Variants in COL6A6 observed in about 807,000 individuals in gnomAD.
COL6A6 encodes the protein collagen alpha-6(VI) chain.
COL6A6 carries 183 observed loss-of-function variants against 208.6 expected under a neutral mutation model. The ratio of observed to expected loss-of-function variants is 0.88; its 90% confidence interval spans 0.78 to 0.99. The LOEUF (loss-of-function observed/expected upper bound fraction) is 0.99, where lower values mean the gene tolerates loss of function less well. Ranked by LOEUF, COL6A6 falls within the 50% of genes least tolerant of loss-of-function variation. The pLI is 0.00. For missense variants in COL6A6, 2,816 were observed against 2,815.2 expected (o/e 1.00, Z -0.01); for synonymous variants, 973 against 1,011.8 (o/e 0.96, Z 0.73).
intron 2 of COL6A6, among the ~76,000 whole-genome samples, chr3:130,560,670 A>G (rs2062862886): frequency 6.6e-6 from 1 of 152,140 alleles, no homozygotes; most frequent in African/African-American, 2.4e-5. Flanking sequence ...TCCTGCTTCA[A>G]CCCCTTTTAG....
chr3:130,517,146 C>T (rs1710778165), upstream of COL6A6, among the ~76,000 whole-genome samples: 1 of 152,134 alleles, frequency 6.6e-6, no homozygotes, highest in Admixed American at 6.5e-5. Context: ...CGGGGAGAAG[C>T]GTTTATATGT....
chr3:130,620,569 A>G (rs1009872171), intron 23 of COL6A6, among the ~76,000 whole-genome samples: 5 of 152,172 alleles, frequency 3.3e-5, no homozygotes, highest in African/African-American at 4.8e-5. Flanking sequence ...AGAGCTATCT[A>G]TGGAGGGTGA....
intron 12 of COL6A6, chr3:130,589,926 AAT>A (rs1298304873): frequency 2.3e-6 from 1 of 441,224 alleles, no homozygotes; most frequent in South Asian, 1.6e-5. Context: ...TATGTCTCTG[AAT>A]ATGTCTCTGA....
chr3:130,534,704 C>T (rs1021104599), intron 1 of COL6A6, among the ~76,000 whole-genome samples: 1 of 152,082 alleles, frequency 6.6e-6, no homozygotes, highest in African/African-American at 2.4e-5. Context: ...AATGTTTTAG[C>T]TACACTTGAT....
chr3:130,640,739 A>G (rs2065283124), intron 28 of COL6A6, among the ~76,000 whole-genome samples: 1 of 152,236 alleles, frequency 6.6e-6, no homozygotes, highest in South Asian at 2.1e-4. Context: ...TCTGACATCT[A>G]GTAAGCAGAT....
chr3:130,583,847 C>G (rs896749695), intron 10 of COL6A6, among the ~76,000 whole-genome samples: 9 of 152,154 alleles, frequency 5.9e-5, no homozygotes, highest in African/African-American at 2.2e-4. Context: ...GCTTCCCATA[C>G]TTACACAGGA....
chr3:130,576,012 C>A (rs923356736), intron 8 of COL6A6, among the ~76,000 whole-genome samples: 12 of 152,150 alleles, frequency 7.9e-5, no homozygotes, highest in African/African-American at 2.9e-4. Flanking sequence ...TTCTCTGTCC[C>A]CTCCAGGGGC....
intron 33 of COL6A6, among the ~76,000 whole-genome samples, chr3:130,650,295 C>T (rs2065598145): frequency 6.6e-6 from 1 of 152,054 alleles, no homozygotes; most frequent in African/African-American, 2.4e-5. Flanking sequence ...AGGGGGGGGC[C>T]AGGGAGCAGC....
chr3:130,649,975 CAT>C (rs1220268476), intron 33 of COL6A6, among the ~76,000 whole-genome samples: 1 of 152,186 alleles, frequency 6.6e-6, no homozygotes, highest in African/African-American at 2.4e-5. Context: ...GGTAAACATA[CAT>C]GTCACTTAGG....
At chr3:130,666,684 G>A (rs1189953071) in intron 36 of COL6A6, among the ~76,000 whole-genome samples, 1 of 152,156 alleles carries the variant, frequency 6.6e-6, no homozygotes, top group East Asian at 1.9e-4. Context: ...ATAGAATGCA[G>A]AGATGATCAA....
At chr3:130,615,119 G>A (rs2064479109) in intron 23 of COL6A6, among the ~76,000 whole-genome samples, 1 of 152,058 alleles carries the variant, frequency 6.6e-6, no homozygotes, top group Admixed American at 6.6e-5. Flanking sequence ...GCGTCCCAGA[G>A]ATTCTGGTAT....
At chr3:130,601,918 G>T (rs2064034083) in intron 20 of COL6A6, among the ~76,000 whole-genome samples, 1 of 152,218 alleles carries the variant, frequency 6.6e-6, no homozygotes, top group African/African-American at 2.4e-5. Flanking sequence ...GTGACCTCAT[G>T]CAGGGATCAG....
upstream of COL6A6, among the ~76,000 whole-genome samples, chr3:130,516,860 C>A (rs866952643): frequency 7.2e-5 from 11 of 152,324 alleles, no homozygotes; most frequent in Middle Eastern, 0.027. Flanking sequence ...AGGAGCAGAG[C>A]TACTGCCTTC....
At chr3:130,609,532 G>T (rs1305381715) in intron 22 of COL6A6, among the ~76,000 whole-genome samples, 1 of 152,140 alleles carries the variant, frequency 6.6e-6, no homozygotes, top group Non-Finnish European at 1.5e-5. Context: ...TGCATGAGGG[G>T]TCACATGAGG....
intron 1 of COL6A6, among the ~76,000 whole-genome samples, chr3:130,555,138 C>G (rs2062738781): frequency 6.6e-6 from 1 of 152,202 alleles, no homozygotes; most frequent in Non-Finnish European, 1.5e-5. Flanking sequence ...ACACCAAACT[C>G]TTTGGGCTCT....
At chr3:130,674,959 C>T (rs1318665234) in intron 36 of COL6A6, among the ~76,000 whole-genome samples, 1 of 152,136 alleles carries the variant, frequency 6.6e-6, no homozygotes, top group African/African-American at 2.4e-5. Flanking sequence ...ATGAGTGGTA[C>T]ATATTCCATG....
chr3:130,610,032 T>A (rs1576324625), intron 22 of COL6A6, among the ~76,000 whole-genome samples: 1 of 151,412 alleles, frequency 6.6e-6, no homozygotes, highest in Non-Finnish European at 1.5e-5. Flanking sequence ...TTCAATAGAT[T>A]GACTGCTTTA....
Position 130,662,095 on chromosome 3 carries a change from G to C in COL6A6, c.6289G>C (p.Asp2097His). ...ATCTGCTGGGGAAACCAGCCACTTA[G>C]ATGGGGAAATCTTAAAGAAGGAATC... Reference protein sequence around the residue: ...VISAGETSHLDGEILKKESLR... With the variant: ...VISAGETSHLHGEILKKESLR... Residue 2097 changes from aspartate (D) to histidine (H), a missense_variant, in exon 35 of 37, where the codon GAT becomes CAT. Asp to His is a moderately conservative substitution (Grantham distance 81, BLOSUM62 -1). Coordinates refer to ENST00000358511, the MANE Select transcript of COL6A6 (RefSeq NM_001102608.3). 1.2e-6 allele frequency: 2 copies of C among 1,614,002 alleles called. No individual in the cohort carries two copies. Among genetic ancestry groups the C allele is most frequent in the East Asian group, 2.2e-5 (1 of 44,888 alleles).
intron 8 of COL6A6, 49 bp from the exon 9 acceptor site, chr3:130,581,512 T>C (rs1299548558): frequency 1.5e-6 from 2 of 1,358,850 alleles, no homozygotes; most frequent in South Asian, 2.8e-5. Flanking sequence ...CTGAGTTAAA[T>C]AAAGGCGTTT....
Sources: gnomAD v4.1 joint callset for allele counts (sites outside exome capture counted in the v4.1 genomes callset) on GRCh38, gnomAD v4.1.1 for gene constraint, MANE v1.5 for transcripts, NCBI Gene and HGNC (gene_info 2026-07-23, HGNC 2026-07-21) for gene names.